CCDC187: variants seen among roughly 807,000 people sequenced by gnomAD.
The protein encoded by CCDC187 is coiled-coil domain-containing protein 187.
A neutral mutation model predicts 38.0 loss-of-function variants in CCDC187; 32 were observed. The ratio of observed to expected loss-of-function variants is 0.84; its 90% CI spans 0.64 to 1.13. CCDC187 has a LOEUF of 1.13. Ranked by LOEUF, CCDC187 falls within the 50% of genes most tolerant of loss-of-function variation. CCDC187 has a pLI of 0.00. For synonymous variants in CCDC187, 333 were observed against 347.9 expected (o/e 0.96, Z 0.48); for missense variants, 707 against 786.8 (o/e 0.90, Z 1.21).
rs1354555486 is a variant in CCDC187, at chr9:136,260,216, A to C, written c.4113T>G (p.Asp1371Glu). The change falls in exon 20 of 26, where the codon GAT (aspartate) becomes GAG (glutamate). Residue 1371 changes from aspartate to glutamate, a missense_variant. Coordinates refer to ENST00000638797, the MANE Select transcript of CCDC187 (RefSeq NM_001378188.1). Reference protein sequence around the residue: ...QDVTPPQTTSDADGHQQPPRP... With the variant: ...QDVTPPQTTSEADGHQQPPRP... ...TCGGAGGCTGCTGGTGACCATCTGC[A>C]TCGGAGGTTGTCTGGGGTGGCGTCA... The C allele has an allele frequency of 3.0e-6, 3 of 985,072 alleles. No homozygotes were observed. Among genetic ancestry groups the C allele is most frequent in the Non-Finnish European group, 3.6e-6 (3 of 829,988 alleles). 61.0% of individuals were successfully genotyped at this position (985,072 alleles called of 1,614,324 possible).
At chr9:136,285,326 G>A (rs1265751440) in intron 9 of CCDC187, among the ~76,000 whole-genome samples, 187 bp downstream of exon 9, 2 of 152,266 alleles carry the variant, frequency 1.3e-5, no homozygotes, top group East Asian at 1.9e-4. Flanking sequence ...GCCAGCGTCC[G>A]AGCCAGCACC....
intron 19 of CCDC187, among the ~76,000 whole-genome samples, chr9:136,261,154 A>C (rs1830674046): frequency 6.6e-6 from 1 of 150,712 alleles, no homozygotes; most frequent in Admixed American, 6.6e-5. Flanking sequence ...CTTCTTCCTC[A>C]CTCCCGTGGG....
chr9:136,267,457 G>T lies in CCDC187; in HGVS notation c.3574C>A (p.Leu1192Met), dbSNP rs1050626436. Residue 1192 changes from leucine (L) to methionine (M), a missense_variant, in exon 16 of 26, where the codon CTG (leucine) becomes ATG (methionine). Physicochemically the swap from Leu to Met is conservative, Grantham distance 15 (BLOSUM62 2). Coordinates refer to ENST00000638797, the MANE Select transcript of CCDC187 (RefSeq NM_001378188.1). The stretch of plus-strand genomic sequence containing the variant: ...AGCGCCATCTCTCGCAGGCGCAGCA[G>T]CGCGGCCTGGTGCTGTGCTCGCAGC... ...EELRAQHQAA[L>M]LRLREMALQE... 5.1e-6 allele frequency: 5 copies of T among 985,552 alleles called. No individual in the cohort carries two copies. The Admixed American group carries it at 1.8e-4, about 36-fold the overall frequency. The allele number at this position is 985,552 out of a possible 1,614,324, so 61.1% of individuals were successfully genotyped here. A position where few individuals can be genotyped will look rare whatever the true frequency, so the allele number is the denominator to read the frequency against.
chr9:136,262,573 G>A (rs1040694236), intron 18 of CCDC187, 111 bp from the exon 19 acceptor site: 99 of 884,880 alleles, frequency 1.1e-4, no homozygotes, highest in African/African-American at 8.3e-4. Context: ...GGGCAGTGCC[G>A]GGGCTGCTTG....
intron 18 of CCDC187, among the ~76,000 whole-genome samples, chr9:136,262,675 G>A (rs1830693383): frequency 6.6e-6 from 1 of 152,178 alleles, no homozygotes; most frequent in South Asian, 2.1e-4. Context: ...GGCCCAGAAT[G>A]AGGAGTTTTT....
intron 24 of CCDC187, 26 bp downstream of exon 24, chr9:136,256,185 C>G (rs1470122920): frequency 4.1e-6 from 4 of 982,350 alleles, no homozygotes; most frequent in Non-Finnish European, 4.8e-6. Flanking sequence ...CGCTCCACCC[C>G]TGCTCCAGGG....
chr9:136,295,612 C>A (rs1315160667), intron 4 of CCDC187, among the ~76,000 whole-genome samples: 1 of 152,214 alleles, frequency 6.6e-6, no homozygotes. Context: ...TTAACTACAG[C>A]AAATTTCTAA....
chr9:136,274,023 C>T (rs1365539549), intron 14 of CCDC187, among the ~76,000 whole-genome samples: 3 of 152,222 alleles, frequency 2.0e-5, no homozygotes, highest in Non-Finnish European at 2.9e-5. Flanking sequence ...TCTGTGCAGC[C>T]CACGCTGGGG....
chr9:136,306,572 G>A (rs1831807121), upstream of CCDC187, among the ~76,000 whole-genome samples: 1 of 152,166 alleles, frequency 6.6e-6, no homozygotes. Context: ...AATCCCACCA[G>A]AGAAAAACAG....
intron 4 of CCDC187, among the ~76,000 whole-genome samples, chr9:136,294,458 G>A (rs1159000947): frequency 2.0e-5 from 3 of 152,208 alleles, no homozygotes; most frequent in East Asian, 1.9e-4. Context: ...TCCACCCCGT[G>A]GCCTGGGGTC....
At chr9:136,293,124 A>C (rs965628728) in intron 4 of CCDC187, among the ~76,000 whole-genome samples, 1 of 132,698 alleles carries the variant, frequency 7.5e-6, no homozygotes, top group Non-Finnish European at 1.5e-5. Flanking sequence ...CACACTCACA[A>C]ACACTCACAT....
At chr9:136,293,976 GCT>G (rs1252698459) in intron 4 of CCDC187, among the ~76,000 whole-genome samples, 1 of 108,084 alleles carries the variant, frequency 9.3e-6, no homozygotes, top group Non-Finnish European at 1.9e-5. Flanking sequence ...GCCCTCACAT[GCT>G]CTCACACACA....
intron 9 of CCDC187, among the ~76,000 whole-genome samples, chr9:136,282,350 C>T (rs1324953251): frequency 3.3e-5 from 5 of 152,330 alleles, no homozygotes; most frequent in Admixed American, 6.5e-5. Flanking sequence ...TGGCCACTGA[C>T]CTTTCTCCCA....
Position 136,260,137 on chromosome 9 carries a change from C to T in CCDC187, c.4192G>A (p.Gly1398Ser). ...TCATTACCTTGACTGACATGGCTGC[C>T]ACTCTCCACCAGCGGGCCCTGGGGG... ...HDPQGPLVESGSHVSQEPGEQ... is the reference protein window; with the variant it reads ...HDPQGPLVESSSHVSQEPGEQ... The change falls in exon 20 of 26, where the codon GGC (glycine) becomes AGC (serine). Residue 1398 changes from glycine (G) to serine (S), a missense_variant. Gly to Ser is a moderately conservative substitution (Grantham distance 56, BLOSUM62 0). Coordinates refer to ENST00000638797, the MANE Select transcript of CCDC187 (RefSeq NM_001378188.1). 3 of 985,448 alleles carry T rather than the reference C, an allele frequency of 3.0e-6. No individual in the cohort carries two copies. Among genetic ancestry groups the T allele is most frequent in the Non-Finnish European group, 3.6e-6 (3 of 829,988 alleles). The allele number at this position is 985,448 out of a possible 1,614,324, so 61.0% of individuals were successfully genotyped here.
chr9:136,286,480 C>G lies in CCDC187; in HGVS notation c.2438G>C (p.Ser813Thr). 1 of 398,792 alleles carries G rather than the reference C, an allele frequency of 2.5e-6. No homozygotes were observed. The highest frequency in any genetic ancestry group is 4.4e-6 in the Non-Finnish European group (1 of 226,168). The allele number at this position is 398,792 out of a possible 1,614,324, so 24.7% of individuals were successfully genotyped here. The change falls in exon 8 of 26, where the codon AGC becomes ACC. Residue 813 changes from serine to threonine, a missense_variant. Transcript: ENST00000638797. The stretch of plus-strand genomic sequence containing the variant: ...CTGCTTATGCCGGAGGTGCAGGGAG[C>G]TGGAAGTGCCCAGGTGCTCAGCCTC... ...PKEAEHLGTS[S>T]SLHLRHKQAQ...
intron 10 of CCDC187, among the ~76,000 whole-genome samples, chr9:136,279,324 G>A: frequency 6.6e-6 from 1 of 152,322 alleles, no homozygotes; most frequent in African/African-American, 2.4e-5. Flanking sequence ...GACAGCTCTG[G>A]TGGAAGTGTT....
chr9:136,305,699 G>A (rs1040503166), upstream of CCDC187, among the ~76,000 whole-genome samples: 3 of 152,242 alleles, frequency 2.0e-5, no homozygotes, highest in African/African-American at 7.2e-5. Flanking sequence ...GGAAGAAGGT[G>A]CATCATAAAT....
intron 4 of CCDC187, among the ~76,000 whole-genome samples, chr9:136,292,599 G>C (rs1178558877): frequency 6.6e-6 from 1 of 152,204 alleles, no homozygotes; most frequent in African/African-American, 2.4e-5. Context: ...CTGCCCCACA[G>C]CTCTGCCGGT....
rs1830790220 is a variant in CCDC187, at chr9:136,268,721, ATG to A, written c.3443-598_3443-597del. 4.0e-5 allele frequency among the ~76,000 whole-genome samples: 6 copies of A among 151,448 alleles called. No homozygotes were observed. In the South Asian group the frequency reaches 1.2e-3, roughly 31 times the overall value. On this transcript the variant is annotated intron_variant, in intron 14 of 25. Coordinates refer to ENST00000638797, the MANE Select transcript of CCDC187 (RefSeq NM_001378188.1). ...CACACATGTGTGTTTATATAGAGATATGTGTGTGTATACATATATATATATTT... is the reference window on the plus strand; with the variant it reads ...CACACATGTGTGTTTATATAGAGATATGTGTGTATACATATATATATATTT...
Sources: allele counts gnomAD v4.1 joint callset (sites outside exome capture counted in the v4.1 genomes callset), GRCh38; gene constraint gnomAD v4.1.1; transcripts MANE v1.5; gene names NCBI Gene and HGNC (gene_info 2026-07-23, HGNC 2026-07-21).